Variants in ICA1 observed in about 807,000 individuals in gnomAD.
The protein encoded by ICA1 is 69 kDa islet cell autoantigen.
ICA1 carries 40 observed loss-of-function variants against 71.0 expected under a neutral mutation model. The observed-to-expected ratio is 0.56, with a 90% confidence interval of 0.44 to 0.73. The LOEUF is 0.73. Ranked by LOEUF, ICA1 falls within the 30% of genes least tolerant of loss-of-function variation. The pLI, the probability that ICA1 is intolerant of heterozygous loss-of-function variation, is 0.00. For missense variants in ICA1, 578 were observed against 576.5 expected (o/e 1.00, Z -0.03); for synonymous variants, 207 against 209.5 (o/e 0.99, Z 0.10).
intron 9 of ICA1, 130 bp downstream of exon 9, chr7:8,143,745 T>C: frequency 1.6e-6 from 1 of 626,366 alleles, no homozygotes; most frequent in African/African-American, 1.8e-5. Context: ...GGGATGCTAA[T>C]ACATCTACTC....
rs780257530 is a variant in ICA1, at chr7:8,127,919, C to G, written c.1284G>C (p.Ser428=). The change falls in exon 13 of 14, where the codon TCG becomes TCC. Residue 428 remains serine, a synonymous_variant. Transcript: ENST00000402384. ...KAQTGSGFLP[S]QLLDQNMKDL... ...CTTTCATATTTTGGTCTAAAAGCTG[C>G]GAAGGAAGGAAACCTGAGCCTGTCT... The G allele has an allele frequency of 3.1e-6, 5 of 1,614,182 alleles. No homozygotes were observed. Among genetic ancestry groups the G allele is most frequent in the Non-Finnish European group, 2.5e-6 (3 of 1,180,028 alleles).
At chr7:8,262,548 C>T (rs563697439), upstream of ICA1, 7 of 152,446 alleles carry the variant, frequency 4.6e-5, no homozygotes, top group African/African-American at 1.4e-4. Context: ...GGATCCGCCG[C>T]CCAGAGTGAC....
chr7:8,127,764 AAATAG>A, intron 13 of ICA1, 104 bp downstream of exon 13: 1 of 1,248,582 alleles, frequency 8.0e-7, no homozygotes, highest in Non-Finnish European at 1.1e-6. Flanking sequence ...AAGTCAATAA[AAATAG>A]AGAAAACATT....
intron 1 of ICA1, among the ~76,000 whole-genome samples, chr7:8,256,449 T>G (rs895127784): frequency 6.6e-6 from 1 of 152,172 alleles, no homozygotes; most frequent in African/African-American, 2.4e-5. Context: ...CTGAATATAC[T>G]ATGCACTTCA....
chr7:8,232,853 A>T (rs1344628870), intron 2 of ICA1, 98 bp from the exon 3 acceptor site: 1 of 1,020,286 alleles, frequency 9.8e-7, no homozygotes, highest in African/African-American at 1.6e-5. Flanking sequence ...TCCATTATGC[A>T]TTTACATTTA....
Position 8,113,462 on chromosome 7 carries a change from TG to T in ICA1, c.*460del, listed in dbSNP as rs1783797178. 1 of 156,700 alleles carries T rather than the reference TG, an allele frequency of 6.4e-6. No homozygotes were observed. The highest frequency in any genetic ancestry group is 2.4e-5 in the African/African-American group (1 of 41,508). 9.7% of individuals were successfully genotyped at this position (156,700 alleles called of 1,614,324 possible). A position where few individuals can be genotyped will look rare whatever the true frequency, so the allele number is the denominator to read the frequency against. On this transcript the variant is annotated 3_prime_UTR_variant, in exon 14 of 14. Coordinates refer to ENST00000402384, the MANE Select transcript of ICA1 (RefSeq NM_001136020.3). The surrounding 1 kb of genome is among the most constrained non-coding windows in gnomAD (Gnocchi z 4.2). The stretch of plus-strand genomic sequence containing the variant: ...ATCCAGAGCTCACTGGAAGGTGGCT[TG>T]GCAGGAAGAGGGAATCTTCCTACAG...
At chr7:8,141,043 C>T (rs906885514) in intron 10 of ICA1, among the ~76,000 whole-genome samples, 7 of 152,136 alleles carry the variant, frequency 4.6e-5, no homozygotes, top group African/African-American at 1.7e-4. Context: ...TAAAACATTC[C>T]CCCGCATCTC....
In ICA1 at chr7:8,245,413, GT is replaced by G. The variant is rs1429578583; in HGVS notation, c.-79-9409del. On this transcript the variant is annotated intron_variant, in intron 1 of 13. Transcript: ENST00000402384. The stretch of plus-strand genomic sequence containing the variant: ...ATCACACACTGGGGCCTGTTGTGGG[GT>G]GGGGGGTGGGGGCAGGGATGGCATT... Among the ~76,000 whole-genome samples, 76 of 121,816 alleles carry G rather than the reference GT, an allele frequency of 6.2e-4. 1 individual carries two copies. Among genetic ancestry groups the G allele is most frequent in the African/African-American group, 2.3e-3 (74 of 32,786 alleles). The allele number at this position is 121,816 out of a possible 152,430, so 79.9% of individuals were successfully genotyped here.
intron 1 of ICA1, among the ~76,000 whole-genome samples, chr7:8,260,047 C>T (rs1486396807): frequency 6.6e-6 from 1 of 152,088 alleles, no homozygotes; most frequent in Non-Finnish European, 1.5e-5. Context: ...CTGCCACCTA[C>T]CCTCAGGCTC....
intron 6 of ICA1, among the ~76,000 whole-genome samples, chr7:8,189,041 C>A (rs978935263): frequency 1.3e-5 from 2 of 152,194 alleles, no homozygotes; most frequent in Non-Finnish European, 2.9e-5. Flanking sequence ...GAGCCAACCC[C>A]TCTGCAAAGA....
intron 1 of ICA1, among the ~76,000 whole-genome samples, chr7:8,246,986 T>C (rs774817893): frequency 3.9e-5 from 6 of 152,138 alleles, no homozygotes; most frequent in Admixed American, 6.5e-5. Flanking sequence ...GACCTCATGA[T>C]CCACCCGCCT....
intron 1 of ICA1, among the ~76,000 whole-genome samples, chr7:8,260,393 G>C (rs1171541211): frequency 6.6e-6 from 1 of 152,122 alleles, no homozygotes; most frequent in Non-Finnish European, 1.5e-5. Context: ...GGGGAAAATA[G>C]TTACAAAATA....
At chr7:8,155,281 A>T (rs1381946359) in intron 8 of ICA1, among the ~76,000 whole-genome samples, 1 of 152,250 alleles carries the variant, frequency 6.6e-6, no homozygotes, top group Non-Finnish European at 1.5e-5. Context: ...AAGCTAACAG[A>T]TAGTCATCTG....
chr7:8,235,095 C>T (rs1335841572), intron 2 of ICA1, among the ~76,000 whole-genome samples: 4 of 151,598 alleles, frequency 2.6e-5, no homozygotes, highest in East Asian at 1.9e-4. Flanking sequence ...ACCAGGGAGG[C>T]GGAGGTTGCA....
In ICA1 at chr7:8,166,371, T is replaced by G. The variant is rs149807948; in HGVS notation, c.580-7719A>C. The stretch of plus-strand genomic sequence containing the variant: ...TACAACCATGTGATCTTCAACAAAG[T>G]CGACAAAAACAAGTAATGGAGAAAG... On this transcript the variant is annotated intron_variant, in intron 6 of 13. Transcript: ENST00000402384. Among the ~76,000 whole-genome samples, 28 of 151,962 alleles carry G rather than the reference T, an allele frequency of 1.8e-4. No individual in the cohort carries two copies. The East Asian group carries it at 5.4e-3, about 29-fold the overall frequency.
intron 6 of ICA1, among the ~76,000 whole-genome samples, chr7:8,178,934 C>T (rs1781392537): frequency 6.6e-6 from 1 of 152,052 alleles, no homozygotes; most frequent in African/African-American, 2.4e-5. Context: ...ATCCATCTGC[C>T]CTTCTATATT....
chr7:8,146,917 G>A (rs13310050), intron 8 of ICA1, among the ~76,000 whole-genome samples: 148,807 of 150,670 alleles, frequency 0.99, 73,488 homozygotes, highest in East Asian at 1. Flanking sequence ...CTCGCCTTTC[G>A]GTAGTTTTAT....
chr7:8,207,662 T>C (rs78108989), intron 6 of ICA1, among the ~76,000 whole-genome samples: 4,853 of 152,310 alleles, frequency 0.032, 98 homozygotes, highest in Middle Eastern at 0.071. Context: ...CTGAGAATTG[T>C]GCACATTTTA....
intron 6 of ICA1, among the ~76,000 whole-genome samples, chr7:8,212,276 A>C (rs537950792): frequency 3.9e-5 from 6 of 152,246 alleles, no homozygotes; most frequent in African/African-American, 1.2e-4. Context: ...AGAAAAAAAA[A>C]TACTAAGGCC....
Sources: gnomAD v4.1 joint callset for allele counts (sites outside exome capture counted in the v4.1 genomes callset) on GRCh38, gnomAD v4.1.1 for gene constraint, Gnocchi (gnomAD v3.1) non-coding constraint, MANE v1.5 for transcripts, NCBI Gene and HGNC (gene_info 2026-07-23, HGNC 2026-07-21) for gene names.